HMBOX1: variants seen among roughly 807,000 people sequenced by gnomAD.
The protein encoded by HMBOX1 is homeobox containing 1.
In HMBOX1, 14 loss-of-function variants were observed where a neutral mutation model predicts 54.5. That is an observed-to-expected ratio of 0.26 (90% CI 0.17 to 0.40). The LOEUF (loss-of-function observed/expected upper bound fraction) is 0.40. Among genes scored for constraint, HMBOX1 ranks in the 10% least tolerant of loss-of-function variants. HMBOX1 has a pLI of 1.00. For synonymous variants in HMBOX1, 160 were observed against 181.0 expected (o/e 0.88, Z 0.93); for missense variants, 332 against 514.4 (o/e 0.65, Z 3.43).
chr8:29,049,390 A>G (rs549154046), intron 9 of HMBOX1: 3 of 1,534,602 alleles, frequency 2.0e-6, no homozygotes, highest in Non-Finnish European at 8.7e-7. Context: ...ATCTGATCCA[A>G]ACAAGCAAGT....
intron 4 of HMBOX1, among the ~76,000 whole-genome samples, chr8:29,004,852 G>A (rs982988113): frequency 6.6e-6 from 1 of 152,134 alleles, no homozygotes. Flanking sequence ...GGGCTTATGA[G>A]ACCGTGTTCA....
At chr8:28,997,335 C>A (rs1045761012) in intron 4 of HMBOX1, among the ~76,000 whole-genome samples, 5 of 151,996 alleles carry the variant, frequency 3.3e-5, no homozygotes, top group Non-Finnish European at 7.4e-5. Context: ...TTTTGTCATG[C>A]TTTTTCTGTG....
At chr8:28,961,791 C>T (rs1198921469) in intron 1 of HMBOX1, among the ~76,000 whole-genome samples, 1 of 151,982 alleles carries the variant, frequency 6.6e-6, no homozygotes, top group African/African-American at 2.4e-5. Flanking sequence ...TTTTGCATTT[C>T]AGCCAGCAAT....
chr8:28,928,133 C>CA (rs1282994181), intron 1 of HMBOX1, among the ~76,000 whole-genome samples: 188 of 135,738 alleles, frequency 1.4e-3, no homozygotes, highest in Middle Eastern at 3.6e-3. Flanking sequence ...GACTCCGTCT[C>CA]AAAAAAAAAA....
intron 4 of HMBOX1, 118 bp downstream of exon 4, chr8:28,980,274 A>G: frequency 1.3e-6 from 1 of 759,532 alleles, no homozygotes; most frequent in Non-Finnish European, 2.3e-6. Context: ...CTTAGGCATA[A>G]TTATGTATGC....
Position 28,956,020 on chromosome 8 carries a change from T to G in HMBOX1, c.-57-7791T>G, listed in dbSNP as rs951861891. 9 of 151,992 alleles carry G rather than the reference T, an allele frequency of 5.9e-5. No homozygotes were observed. In the South Asian group the frequency reaches 1.7e-3, roughly 28 times the overall value. 9.4% of individuals were successfully genotyped at this position (151,992 alleles called of 1,614,324 possible). A position where few individuals can be genotyped will look rare whatever the true frequency, so the allele number is the denominator to read the frequency against. ...TATATATTTCCTTATGTATGGTTAC[T>G]TTTATTTCTGTAGAATTGATTCTCA... On this transcript the variant is annotated intron_variant, in intron 1 of 9. Transcript: ENST00000287701.
In HMBOX1 at chr8:28,951,376, C is replaced by T. The variant is rs1226732590; in HGVS notation, c.-57-12435C>T. ...TCGATCTCTTGACCTTATGATCCGC[C>T]CACCTCAGCCTCCCAAAGTGCTGGG... On this transcript the variant is annotated intron_variant, in intron 1 of 9. Transcript: ENST00000287701. 2.0e-5 allele frequency among the ~76,000 whole-genome samples: 3 copies of T among 152,298 alleles called. No individual in the cohort carries two copies. The East Asian group carries it at 5.8e-4, about 29-fold the overall frequency.
chr8:28,972,622 G>A (rs183672653), intron 3 of HMBOX1, among the ~76,000 whole-genome samples: 185 of 152,128 alleles, frequency 1.2e-3, no homozygotes, highest in African/African-American at 4.2e-3. Flanking sequence ...TGGTTTTTTC[G>A]GTGTTGTTGC....
At chr8:28,918,922 C>G (rs1445243497) in intron 1 of HMBOX1, among the ~76,000 whole-genome samples, 2 of 152,308 alleles carry the variant, frequency 1.3e-5, no homozygotes, top group East Asian at 3.9e-4. Context: ...GCAGGAACTT[C>G]TGAAGACATC....
chr8:28,934,735 C>A (rs925667090), intron 1 of HMBOX1, among the ~76,000 whole-genome samples: 1 of 151,718 alleles, frequency 6.6e-6, no homozygotes, highest in Non-Finnish European at 1.5e-5. Flanking sequence ...ACCATCCTGG[C>A]TAACACGGTG....
At chr8:28,908,484 GTGGCTCACACC>G (rs1265336310) in intron 1 of HMBOX1, among the ~76,000 whole-genome samples, 1 of 152,158 alleles carries the variant, frequency 6.6e-6, no homozygotes, top group African/African-American at 2.4e-5. Context: ...GCCAGGTGTG[GTGGCTCACACC>G]TGTAATCCCA....
intron 1 of HMBOX1, among the ~76,000 whole-genome samples, chr8:28,894,992 A>C (rs1811820924): frequency 6.6e-6 from 1 of 152,042 alleles, no homozygotes; most frequent in Non-Finnish European, 1.5e-5. Context: ...GAAGTGATCA[A>C]TTATTTTAAC....
At chr8:29,045,308 G>T in intron 6 of HMBOX1, 53 bp from the exon 7 acceptor site, 1 of 1,339,548 alleles carries the variant, frequency 7.5e-7, no homozygotes, top group Non-Finnish European at 1.1e-6. Context: ...GTGTTTTAAT[G>T]AGAGTATGTT....
At position 29,051,786 on chromosome 8, in the gene HMBOX1, A is replaced by AT; in HGVS notation, c.*632dup. ...ATCTCAGATTTTGTTTGAAGTTAAC[A>AT]TGCCTGACACAGACATCCTTTCCTC... On this transcript the variant is annotated 3_prime_UTR_variant, in exon 10 of 10. Coordinates refer to ENST00000287701, the MANE Select transcript of HMBOX1 (RefSeq NM_001135726.3). 1.8e-6 allele frequency: 1 copy of AT among 561,532 alleles called. No individual in the cohort carries two copies. The highest frequency in any genetic ancestry group is 3.3e-6 in the Non-Finnish European group (1 of 305,080). The allele number at this position is 561,532 out of a possible 1,614,324, so 34.8% of individuals were successfully genotyped here.
At chr8:28,952,979 C>T (rs1004894211) in intron 1 of HMBOX1, among the ~76,000 whole-genome samples, 3 of 152,298 alleles carry the variant, frequency 2.0e-5, no homozygotes, top group East Asian at 1.9e-4. Context: ...AGCAGAACTA[C>T]AGTTCTGCTA....
At chr8:28,910,420 G>T (rs1815194263) in intron 1 of HMBOX1, among the ~76,000 whole-genome samples, 1 of 152,140 alleles carries the variant, frequency 6.6e-6, no homozygotes, top group African/African-American at 2.4e-5. Flanking sequence ...TTCTTGGATA[G>T]GTACCTAGAA....
At chr8:29,041,483 G>T (rs2133309717) in intron 6 of HMBOX1, among the ~76,000 whole-genome samples, 1 of 152,266 alleles carries the variant, frequency 6.6e-6, no homozygotes, top group East Asian at 1.9e-4. Context: ...GGATGATTCA[G>T]ACTTGTACCC....
intron 6 of HMBOX1, among the ~76,000 whole-genome samples, chr8:29,028,810 CTG>C (rs1802466920): frequency 6.6e-6 from 1 of 152,178 alleles, no homozygotes; most frequent in Admixed American, 6.5e-5. Flanking sequence ...CTTCAAGTGA[CTG>C]TGGAAGATCA....
intron 1 of HMBOX1, among the ~76,000 whole-genome samples, chr8:28,896,880 C>T (rs924994914): frequency 4.6e-5 from 7 of 152,116 alleles, no homozygotes; most frequent in Non-Finnish European, 1.0e-4. Context: ...TGAAAAATTC[C>T]ACTTAAACTT....
Sources: gnomAD v4.1 joint callset for allele counts (sites outside exome capture counted in the v4.1 genomes callset) on GRCh38, gnomAD v4.1.1 for gene constraint, MANE v1.5 for transcripts, NCBI Gene and HGNC (gene_info 2026-07-23, HGNC 2026-07-21) for gene names.